Variants in TYW1 observed in about 807,000 individuals in gnomAD.
TYW1 encodes tRNA-yW synthesizing protein 1 homolog, also known as S-adenosyl-L-methionine-dependent tRNA 4-demethylwyosine synthase TYW1.
Under a neutral mutation model 96.2 loss-of-function variants are expected in TYW1, and 46 were observed. The ratio of observed to expected loss-of-function variants is 0.48; its 90% CI spans 0.38 to 0.61. The LOEUF is 0.61. TYW1 is among the 20% of genes least tolerant of loss of function. TYW1 has a pLI of 0.00. For synonymous variants in TYW1, 274 were observed against 323.0 expected (o/e 0.85, Z 1.63); for missense variants, 684 against 909.6 (o/e 0.75, Z 3.19).
chr7:67,192,549 C>T (rs183488705), intron 14 of TYW1, among the ~76,000 whole-genome samples: 11 of 152,260 alleles, frequency 7.2e-5, no homozygotes, highest in Admixed American at 7.2e-4. Context: ...AGGTAGAGTA[C>T]ACTTTTATGA....
intron 7 of TYW1, among the ~76,000 whole-genome samples, chr7:67,025,782 A>G (rs1375353381): frequency 6.6e-6 from 1 of 152,214 alleles, no homozygotes; most frequent in Non-Finnish European, 1.5e-5. Context: ...ATACTATACT[A>G]TAAAAATAAC....
At position 67,238,667 on chromosome 7, in the gene TYW1, G is replaced by A. The variant is rs111855078; in HGVS notation, c.*138G>A. 3 of 1,448,536 alleles carry A rather than the reference G, an allele frequency of 2.1e-6. No homozygotes were observed. In the South Asian group the frequency reaches 4.5e-5, roughly 22 times the overall value. The allele number at this position is 1,448,536 out of a possible 1,614,324, so 89.7% of individuals were successfully genotyped here. On this transcript the variant is annotated 3_prime_UTR_variant, in exon 16 of 16. Coordinates refer to ENST00000359626, the MANE Select transcript of TYW1 (RefSeq NM_018264.4). The stretch of plus-strand genomic sequence containing the variant: ...AGGAGACGATAAGGCAGTAAACATG[G>A]AGACACGGGGGACAGCGTCCACACT...
intron 3 of TYW1, among the ~76,000 whole-genome samples, chr7:67,001,515 G>A (rs1385587281): frequency 2.6e-5 from 4 of 151,434 alleles, no homozygotes; most frequent in African/African-American, 9.7e-5. Flanking sequence ...TCTGCTTCCC[G>A]GGTTCAAGCG....
In TYW1 at chr7:67,155,750, G is replaced by A. The variant is rs573143291; in HGVS notation, c.1699-27376G>A. Among the ~76,000 whole-genome samples, 5 of 152,212 alleles carry A rather than the reference G, an allele frequency of 3.3e-5. No homozygotes were observed. The East Asian group carries it at 9.6e-4, about 29-fold the overall frequency. On this transcript the variant is annotated intron_variant, in intron 13 of 15. Transcript: ENST00000359626. ...AGTATTCTTTTATAGTGGTGCAAAT[G>A]GACTAACACAAGAGGTATCATGTTT...
At chr7:67,007,923 C>G (rs1277736160) in intron 3 of TYW1, among the ~76,000 whole-genome samples, 4 of 152,148 alleles carry the variant, frequency 2.6e-5, no homozygotes, top group Non-Finnish European at 5.9e-5. Context: ...GTGTGAGCCA[C>G]CACGCCTGGC....
chr7:67,157,263 G>C (rs1799012654), intron 13 of TYW1, among the ~76,000 whole-genome samples: 1 of 152,144 alleles, frequency 6.6e-6, no homozygotes, highest in Non-Finnish European at 1.5e-5. Flanking sequence ...TGGTACATTT[G>C]TTACAATTTA....
chr7:67,238,086 C>G (rs973857893), intron 15 of TYW1, among the ~76,000 whole-genome samples: 20 of 151,482 alleles, frequency 1.3e-4, no homozygotes, highest in Non-Finnish European at 2.8e-4. Flanking sequence ...AGCAAAACTG[C>G]AGGCCCAAGG....
intron 13 of TYW1, among the ~76,000 whole-genome samples, chr7:67,170,671 G>A (rs4552791): frequency 0.28 from 42,768 of 151,868 alleles, 6,540 homozygotes; most frequent in African/African-American, 0.4. Flanking sequence ...CCCATACCTC[G>A]TAAACCAGTC....
chr7:67,029,783 C>T (rs1794613834), intron 7 of TYW1, among the ~76,000 whole-genome samples: 1 of 152,160 alleles, frequency 6.6e-6, no homozygotes, highest in East Asian at 1.9e-4. Flanking sequence ...TCACTGCAAC[C>T]TTGAACTCCT....
intron 13 of TYW1, among the ~76,000 whole-genome samples, chr7:67,169,981 CT>C (rs145168765): frequency 0.04 from 6,126 of 152,184 alleles, 179 homozygotes; most frequent in Middle Eastern, 0.1. Context: ...TCCATTGTAT[CT>C]TTTTTTCCTC....
rs1799569590 is a variant in TYW1, at chr7:67,173,245, T to C, written c.1699-9881T>C. ...TCACATTGTACTTTGTTTATACTTCTTGTAATGTGATTGCTCCAATCCTGT... is the reference window on the plus strand; with the variant it reads ...TCACATTGTACTTTGTTTATACTTCCTGTAATGTGATTGCTCCAATCCTGT... On this transcript the variant is annotated intron_variant, in intron 13 of 15. Transcript: ENST00000359626. Among the ~76,000 whole-genome samples, 4 of 152,160 alleles carry C rather than the reference T, an allele frequency of 2.6e-5. 1 individual carries two copies. The highest frequency in any genetic ancestry group is 9.7e-5 in the African/African-American group (4 of 41,444).
chr7:67,082,097 A>G (rs1254061733), intron 10 of TYW1, among the ~76,000 whole-genome samples: 1 of 151,296 alleles, frequency 6.6e-6, no homozygotes. Context: ...ATTATTTTAA[A>G]TTCTGTTACA....
chr7:67,089,017 C>T (rs1386014553), intron 11 of TYW1, among the ~76,000 whole-genome samples: 1 of 152,192 alleles, frequency 6.6e-6, no homozygotes, highest in Non-Finnish European at 1.5e-5. Flanking sequence ...TGTGATATTC[C>T]TGGTATCTCC....
chr7:67,174,299 A>G (rs1262567731), intron 13 of TYW1, among the ~76,000 whole-genome samples: 1 of 152,148 alleles, frequency 6.6e-6, no homozygotes, highest in East Asian at 1.9e-4. Flanking sequence ...GATAAATAAA[A>G]ACATTTTATG....
intron 13 of TYW1, among the ~76,000 whole-genome samples, chr7:67,140,034 G>A (rs1468028401): frequency 6.6e-6 from 1 of 151,800 alleles, no homozygotes; most frequent in Non-Finnish European, 1.5e-5. Flanking sequence ...ATGATGGAAG[G>A]CAAGGAGGAG....
chr7:67,098,996 A>G (rs1319443694), intron 12 of TYW1, among the ~76,000 whole-genome samples: 1 of 151,758 alleles, frequency 6.6e-6, no homozygotes, highest in Non-Finnish European at 1.5e-5. Flanking sequence ...AAAACTTACC[A>G]GAGAAGCTGT....
At chr7:67,090,223 A>T (rs536118529) in intron 11 of TYW1, among the ~76,000 whole-genome samples, 2 of 152,352 alleles carry the variant, frequency 1.3e-5, no homozygotes, top group South Asian at 4.1e-4. Flanking sequence ...AAACTAATTT[A>T]TGAAAAACCT....
At chr7:67,064,014 C>G (rs376721101) in intron 9 of TYW1, among the ~76,000 whole-genome samples, 3 of 152,254 alleles carry the variant, frequency 2.0e-5, no homozygotes, top group Non-Finnish European at 1.5e-5. Context: ...ATACACAGGA[C>G]TGGATGCTGA....
chr7:67,175,863 C>G (rs937405998), intron 13 of TYW1, among the ~76,000 whole-genome samples: 2 of 152,112 alleles, frequency 1.3e-5, no homozygotes, highest in African/African-American at 4.8e-5. Flanking sequence ...GACAAGCATA[C>G]CCACTATATT....
Sources: gnomAD v4.1 joint callset for allele counts (sites outside exome capture counted in the v4.1 genomes callset) on GRCh38, gnomAD v4.1.1 for gene constraint, MANE v1.5 for transcripts, NCBI Gene and HGNC (gene_info 2026-07-23, HGNC 2026-07-21) for gene names.